The following EPB41L4B variants were observed in gnomAD, a reference collection of about 807,000 sequenced individuals.
The protein encoded by EPB41L4B is band 4.1-like protein 4B.
In EPB41L4B, 30 loss-of-function variants were observed where a neutral mutation model predicts 112.5. That is an observed-to-expected ratio of 0.27 (90% CI 0.20 to 0.36). The LOEUF is 0.36. Ranked by LOEUF, EPB41L4B falls within the 10% of genes least tolerant of loss-of-function variation. EPB41L4B has a pLI of 1.00. For synonymous variants in EPB41L4B, 408 were observed against 439.7 expected (o/e 0.93, Z 0.90); for missense variants, 1,024 against 1,133.3 (o/e 0.90, Z 1.38).
At chr9:109,240,421 A>G in intron 15 of EPB41L4B, 2 of 985,460 alleles carry the variant, frequency 2.0e-6, no homozygotes, top group Non-Finnish European at 2.4e-6. Flanking sequence ...GTAATAAAAT[A>G]TCTCAAAGGA....
intron 12 of EPB41L4B, among the ~76,000 whole-genome samples, chr9:109,252,258 A>T (rs1446258474): frequency 6.6e-6 from 1 of 152,130 alleles, no homozygotes; most frequent in Non-Finnish European, 1.5e-5. Context: ...GATCTTTGGA[A>T]AATTGTTCCT....
At chr9:109,249,075 AT>A (rs1279079214) in intron 13 of EPB41L4B, among the ~76,000 whole-genome samples, 15 of 133,912 alleles carry the variant, frequency 1.1e-4, no homozygotes, top group African/African-American at 4.6e-4. Flanking sequence ...AAAAAAAAAT[AT>A]ATATATATAT....
chr9:109,254,118 C>T (rs888886696), intron 11 of EPB41L4B, among the ~76,000 whole-genome samples: 20 of 152,186 alleles, frequency 1.3e-4, no homozygotes, highest in African/African-American at 3.9e-4. Context: ...GCTCTGTGTG[C>T]CTCTAAGGGC....
At position 109,188,420 on chromosome 9, in the gene EPB41L4B, G is replaced by A. The variant is rs550422915; in HGVS notation, c.2302-2815C>T. ...CCTCCAAACAGAATGTTGTCCAACAGGTAGAGAGTCACACATCCTGGCAGG... is the reference window on the plus strand; with the variant it reads ...CCTCCAAACAGAATGTTGTCCAACAAGTAGAGAGTCACACATCCTGGCAGG... On this transcript the variant is annotated intron_variant, in intron 22 of 25. Transcript: ENST00000374566. 2.4e-4 allele frequency among the ~76,000 whole-genome samples: 37 copies of A among 152,226 alleles called. No homozygotes were observed. In the South Asian group the frequency reaches 7.1e-3, roughly 29 times the overall value.
intron 1 of EPB41L4B, among the ~76,000 whole-genome samples, chr9:109,306,350 G>T (rs370292355): frequency 6.6e-6 from 1 of 152,126 alleles, no homozygotes; most frequent in Non-Finnish European, 1.5e-5. Flanking sequence ...GGTGGCTCAC[G>T]CCTGTAACCC....
At chr9:109,291,744 G>T (rs959983914) in intron 1 of EPB41L4B, among the ~76,000 whole-genome samples, 6 of 152,198 alleles carry the variant, frequency 3.9e-5, no homozygotes, top group Non-Finnish European at 5.9e-5. Flanking sequence ...TTGATGATCA[G>T]TTCCACGGAT....
chr9:109,299,599 G>GT (rs1295097906), intron 1 of EPB41L4B, among the ~76,000 whole-genome samples: 1 of 151,210 alleles, frequency 6.6e-6, no homozygotes, highest in African/African-American at 2.5e-5. Context: ...GTTTTGTTTT[G>GT]TTTTTTTAAT....
chr9:109,255,961 C>T lies in EPB41L4B; in HGVS notation c.930-118G>A, dbSNP rs1326848504. 4 of 1,245,830 alleles carry T rather than the reference C, an allele frequency of 3.2e-6. No homozygotes were observed. The African/African-American group carries it at 6.1e-5, about 19-fold the overall frequency. 77.2% of individuals were successfully genotyped at this position (1,245,830 alleles called of 1,614,324 possible). On this transcript the variant is annotated intron_variant, in intron 9 of 25. Transcript: ENST00000374566. ...CTAAAAAAAAAATAAAAACATTCAT[C>T]CAAGTGTGATTATCCAGAAGTTTCA... is the stretch of plus-strand genomic sequence containing the variant.
chr9:109,224,235 T>G (rs1016627157), intron 15 of EPB41L4B, among the ~76,000 whole-genome samples: 2 of 152,030 alleles, frequency 1.3e-5, no homozygotes, highest in Non-Finnish European at 2.9e-5. Context: ...AAAACTTACA[T>G]GTGAATGTTC....
At chr9:109,281,726 TAA>T (rs1564317284) in intron 1 of EPB41L4B, among the ~76,000 whole-genome samples, 12 of 83,338 alleles carry the variant, frequency 1.4e-4, no homozygotes, top group African/African-American at 5.8e-4. Flanking sequence ...ATAAATAAAT[TAA>T]TTAATTAATT....
intron 17 of EPB41L4B, among the ~76,000 whole-genome samples, chr9:109,212,636 A>T (rs916319353): frequency 1.3e-5 from 2 of 152,194 alleles, no homozygotes; most frequent in African/African-American, 4.8e-5. Flanking sequence ...AGTTCTTCCA[A>T]ATTCTTCCTA....
chr9:109,302,696 T>C (rs751712), intron 1 of EPB41L4B, among the ~76,000 whole-genome samples: 98,124 of 151,752 alleles, frequency 0.65, 32,138 homozygotes, highest in East Asian at 0.84. Context: ...CCACAGGATC[T>C]TAGAGCTTGC....
intron 20 of EPB41L4B, 77 bp from the exon 21 acceptor site, chr9:109,194,474 CA>C (rs1431608662): frequency 6.7e-7 from 1 of 1,487,344 alleles, no homozygotes; most frequent in African/African-American, 1.4e-5. Flanking sequence ...GGAGGATGGG[CA>C]GGGGTGGGAA....
At chr9:109,297,958 A>G (rs1471284124) in intron 1 of EPB41L4B, among the ~76,000 whole-genome samples, 2 of 152,200 alleles carry the variant, frequency 1.3e-5, no homozygotes, top group Non-Finnish European at 2.9e-5. Context: ...TAAAACTATA[A>G]CTAAGGCATC....
In EPB41L4B at chr9:109,267,551, A is replaced by ATTTTCAT; in HGVS notation, c.455-1_455insATGAAAA (p.Ile152AsnfsTer14). ...AAAGTGTAAAGCATAAGCAGGTCCA[A>ATTTTCAT]CTAAACATTTGGAGATGGAAGGTTG... On this transcript the variant is annotated frameshift_variant and splice_region_variant. Coordinates refer to ENST00000374566, the MANE Select transcript of EPB41L4B (RefSeq NM_019114.5). LOFTEE classifies it high-confidence loss of function. 3 of 1,604,152 alleles carry ATTTTCAT rather than the reference A, an allele frequency of 1.9e-6. No homozygotes were observed. Among genetic ancestry groups the ATTTTCAT allele is most frequent in the Middle Eastern group, 1.7e-4 (1 of 6,052 alleles).
chr9:109,312,793 C>G (rs1466002509), intron 1 of EPB41L4B, among the ~76,000 whole-genome samples: 3 of 152,234 alleles, frequency 2.0e-5, no homozygotes, highest in Non-Finnish European at 4.4e-5. Context: ...CAGAACTCAT[C>G]TGAATCCCCT....
At chr9:109,230,321 C>T (rs1036358697) in intron 15 of EPB41L4B, among the ~76,000 whole-genome samples, 2 of 152,146 alleles carry the variant, frequency 1.3e-5, no homozygotes. Context: ...TACTGCTTTG[C>T]CATGTGTTTG....
chr9:109,279,970 T>A, intron 1 of EPB41L4B, 49 bp from the exon 2 acceptor site: 2 of 1,451,794 alleles, frequency 1.4e-6, no homozygotes, highest in East Asian at 2.3e-5. Context: ...GACAGCTAGA[T>A]AAGAAAAAAA....
At chr9:109,250,175 C>T (rs138955508) in intron 13 of EPB41L4B, among the ~76,000 whole-genome samples, 2 of 152,282 alleles carry the variant, frequency 1.3e-5, no homozygotes, top group East Asian at 3.9e-4. Flanking sequence ...TTTGGAAAAA[C>T]ACTGATCTAG....
Sources: gnomAD v4.1 joint callset for allele counts (sites outside exome capture counted in the v4.1 genomes callset) on GRCh38, gnomAD v4.1.1 for gene constraint, MANE v1.5 for transcripts, NCBI Gene and HGNC (gene_info 2026-07-23, HGNC 2026-07-21) for gene names.